The following IL1RAPL2 variants were observed in gnomAD, a reference collection of about 807,000 sequenced individuals.
IL1RAPL2 encodes the protein X-linked interleukin-1 receptor accessory protein-like 2.
IL1RAPL2 carries 3 observed loss-of-function variants against 44.1 expected under a neutral mutation model. The ratio of observed to expected loss-of-function variants is 0.07; its 90% CI spans 0.03 to 0.18. IL1RAPL2 has a LOEUF of 0.18. Among genes scored for constraint, IL1RAPL2 ranks in the 10% least tolerant of loss-of-function variants. The pLI is 1.00. For synonymous variants in IL1RAPL2, 181 were observed against 178.8 expected, an observed-to-expected ratio of 1.01 and a Z score of -0.10; for missense variants, 391 against 496.4, an observed-to-expected ratio of 0.79 and a Z score of 2.02.
chrX:104,893,079 T>C (rs1602789238), intron 2 of IL1RAPL2, among the ~76,000 whole-genome samples: 1 of 112,181 alleles, frequency 8.9e-6, no homozygotes, highest in African/African-American at 3.2e-5. Context: ...GGTTGTTCAG[T>C]TTCCATGTAG....
intron 1 of IL1RAPL2, among the ~76,000 whole-genome samples, chrX:104,656,332 A>G (rs911876293): frequency 1.8e-5 from 2 of 111,895 alleles, no homozygotes; most frequent in African/African-American, 3.3e-5. Flanking sequence ...ATTTCCCTCT[A>G]CACACTGCTT....
chrX:105,081,655 C>G (rs974271331), intron 2 of IL1RAPL2, among the ~76,000 whole-genome samples: 1 of 111,534 alleles, frequency 9.0e-6, no homozygotes, highest in Non-Finnish European at 1.9e-5. Context: ...TCCATCAATA[C>G]CTAGTTTGTT....
Position 104,941,775 on chromosome X carries a change from A to G in IL1RAPL2, c.83-253700A>G, listed in dbSNP as rs748397647. ...TGTTTTAGTCAAGAAGTCCTTGCCC[A>G]TGCCCATGTCCTGAATGGTATTGCC... On this transcript the variant is annotated intron_variant, in intron 2 of 10. Transcript: ENST00000372582. Among the ~76,000 whole-genome samples, 18 of 111,834 alleles carry G rather than the reference A, an allele frequency of 1.6e-4. No homozygotes were observed. In the South Asian group the frequency reaches 6.0e-3, roughly 37 times the overall value.
At chrX:104,733,317 C>T (rs183013012) in intron 2 of IL1RAPL2, among the ~76,000 whole-genome samples, 19 of 111,007 alleles carry the variant, frequency 1.7e-4, no homozygotes, top group East Asian at 5.6e-4. Context: ...CAGGACCGGG[C>T]GCAGTGGCAC....
intron 2 of IL1RAPL2, among the ~76,000 whole-genome samples, chrX:104,817,410 G>A (rs755429899): frequency 1.1e-4 from 12 of 112,020 alleles, no homozygotes; most frequent in Non-Finnish European, 2.1e-4. Context: ...GGCAAGCCTC[G>A]AGGGAGAATG....
At chrX:105,683,507 C>T (rs2037942574) in intron 6 of IL1RAPL2, among the ~76,000 whole-genome samples, 2 of 106,335 alleles carry the variant, frequency 1.9e-5, no homozygotes, top group South Asian at 8.4e-4. Flanking sequence ...TAAAAATTCC[C>T]CAGTTTCAAT....
At chrX:104,677,821 G>A (rs1248925989) in intron 2 of IL1RAPL2, among the ~76,000 whole-genome samples, 2 of 111,963 alleles carry the variant, frequency 1.8e-5, no homozygotes, top group Non-Finnish European at 3.8e-5. Flanking sequence ...TAAGCTCGTC[G>A]GAAAAGCGCG....
At chrX:104,592,570 G>A (rs1232429259) in intron 1 of IL1RAPL2, among the ~76,000 whole-genome samples, 1 of 111,361 alleles carries the variant, frequency 9.0e-6, no homozygotes, top group Non-Finnish European at 1.9e-5. Context: ...ATTTTAAGAA[G>A]TTCCATAAAT....
intron 4 of IL1RAPL2, among the ~76,000 whole-genome samples, chrX:105,238,334 A>G (rs1556204114): frequency 8.9e-6 from 1 of 112,308 alleles, no homozygotes. Context: ...AACATGATTT[A>G]ACAATTTCCC....
intron 2 of IL1RAPL2, among the ~76,000 whole-genome samples, chrX:105,112,237 T>C (rs1055257583): frequency 2.7e-5 from 3 of 112,196 alleles, no homozygotes; most frequent in African/African-American, 9.7e-5. Flanking sequence ...AGGAAAACCA[T>C]TAATTTTGTT....
In IL1RAPL2 at chrX:105,252,128, G is replaced by A. The variant is rs142132680; in HGVS notation, c.544-15260G>A. Among the ~76,000 whole-genome samples the A allele has an allele frequency of 3.1e-3, 346 of 110,848 alleles. 3 individuals carry two copies. The highest frequency in any genetic ancestry group is 0.011 in the African/African-American group (333 of 30,653). On this transcript the variant is annotated intron_variant, in intron 4 of 10. Coordinates refer to ENST00000372582, the MANE Select transcript of IL1RAPL2 (RefSeq NM_017416.2). ...CTTAGTCTTTGGTAAAAATTCCTTT[G>A]TTTCTATTCCTATAATTTTCCATTT...
At chrX:105,592,041 G>C (rs757321419) in intron 6 of IL1RAPL2, among the ~76,000 whole-genome samples, 6 of 111,308 alleles carry the variant, frequency 5.4e-5, no homozygotes, top group African/African-American at 2.0e-4. Flanking sequence ...GTTATTGTGT[G>C]GTTATTTAAG....
At chrX:105,378,917 G>A (rs1305640151) in intron 5 of IL1RAPL2, among the ~76,000 whole-genome samples, 1 of 112,015 alleles carries the variant, frequency 8.9e-6, no homozygotes, top group African/African-American at 3.2e-5. Context: ...GGGATGCAAA[G>A]TCAAGAGTGA....
chrX:105,089,944 G>A (rs2147553945), intron 2 of IL1RAPL2, among the ~76,000 whole-genome samples: 1 of 111,639 alleles, frequency 9.0e-6, no homozygotes, highest in African/African-American at 3.3e-5. Context: ...AGTTAAAATG[G>A]TTGTTCCCTC....
chrX:104,922,190 C>T lies in IL1RAPL2; in HGVS notation c.82+263195C>T, dbSNP rs774324284. On this transcript the variant is annotated intron_variant, in intron 2 of 10. Coordinates refer to ENST00000372582, the MANE Select transcript of IL1RAPL2 (RefSeq NM_017416.2). ...CCCCATACCCTGCCCATTTCAGGAA[C>T]ACCCTAGTACTTCCCCCATCAACAA... Among the ~76,000 whole-genome samples the T allele has an allele frequency of 2.7e-5, 3 of 112,508 alleles. No individual in the cohort carries two copies. In the East Asian group the frequency reaches 8.5e-4, roughly 32 times the overall value.
At chrX:105,722,043 C>T (rs1196606841) in intron 7 of IL1RAPL2, among the ~76,000 whole-genome samples, 1 of 111,393 alleles carries the variant, frequency 9.0e-6, no homozygotes, top group Admixed American at 9.5e-5. Context: ...TAGGTGATTT[C>T]ATTATTGTGC....
chrX:104,615,781 T>C (rs1050149095), intron 1 of IL1RAPL2, among the ~76,000 whole-genome samples: 3 of 112,442 alleles, frequency 2.7e-5, no homozygotes, highest in Non-Finnish European at 5.6e-5. Flanking sequence ...TTTCTGGTTC[T>C]AGATCTTTGA....
chrX:105,168,414 GGTGT>G (rs57882187), intron 2 of IL1RAPL2, among the ~76,000 whole-genome samples: 192 of 89,344 alleles, frequency 2.1e-3, no homozygotes, highest in Middle Eastern at 0.011. Context: ...AACCATAGGA[GGTGT>G]GTGTGTGTGT....
intron 2 of IL1RAPL2, among the ~76,000 whole-genome samples, chrX:104,943,745 A>C (rs1925264592): frequency 9.0e-6 from 1 of 111,326 alleles, no homozygotes; most frequent in Non-Finnish European, 1.9e-5. Context: ...TGTTTCTGTA[A>C]AACCACTAGC....
Sources: gnomAD v4.1 joint callset for allele counts (sites outside exome capture counted in the v4.1 genomes callset) on GRCh38, gnomAD v4.1.1 for gene constraint, MANE v1.5 for transcripts, NCBI Gene and HGNC (gene_info 2026-07-23, HGNC 2026-07-21) for gene names.